Variants in TRIM51 observed in about 807,000 individuals in gnomAD.
TRIM51 encodes the protein tripartite motif-containing protein 51.
In TRIM51, 23 loss-of-function variants were observed where a neutral mutation model predicts 32.7. The observed-to-expected ratio is 0.70, with a 90% CI of 0.51 to 1.00. TRIM51 has a LOEUF of 1.00. Ranked by LOEUF, TRIM51 falls within the 50% of genes least tolerant of loss-of-function variation. The probability of loss-of-function intolerance (pLI) is 0.00; values close to 1 mark genes in which losing one functional copy is unlikely to be tolerated. For synonymous variants in TRIM51, 177 were observed against 181.9 expected, an observed-to-expected ratio of 0.97 and a Z score of 0.22; for missense variants, 592 against 539.2, an observed-to-expected ratio of 1.10 and a Z score of -0.97.
chr11:55,889,034 T>C (rs1854614279), intron 5 of TRIM51, 33 bp downstream of exon 5: 1 of 1,592,808 alleles, frequency 6.3e-7, no homozygotes, highest in Non-Finnish European at 8.6e-7. Flanking sequence ...GCAGATGCTT[T>C]CAGTTTCCAC....
rs746276563 is a variant in TRIM51, at chr11:55,891,131, A to G, written c.860-2A>G. ...TATATTTTTTAAAAATTATTTTTGC[A>G]GTTGATTTTACTCTGCAGCCTGAAA... On this transcript the variant is annotated splice_acceptor_variant, in intron 6 of 6. Transcript: ENST00000449290. LOFTEE classifies it high-confidence loss of function. 5 of 1,588,726 alleles carry G rather than the reference A, an allele frequency of 3.1e-6. No individual in the cohort carries two copies. In the South Asian group the frequency reaches 4.5e-5, roughly 14 times the overall value.
intron 1 of TRIM51, among the ~76,000 whole-genome samples, chr11:55,885,152 A>C (rs1041477184): frequency 6.6e-6 from 1 of 152,144 alleles, no homozygotes; most frequent in Admixed American, 6.5e-5. Context: ...TCATGTCGAC[A>C]TCCAGGGAGT....
rs188316529 is a variant in TRIM51 at position 55,890,042 on chromosome 11, G to A, written c.859+3G>A. The A allele has an allele frequency of 3.2e-4, 515 of 1,607,244 alleles. 8 individuals carry two copies. The East Asian group carries it at 0.011, about 35-fold the overall frequency. ...GGACAGCCTCAGTGGATTCAGAGGT[G>A]AGTGTCAGCCCATTGGCAGAATTCC... On this transcript the variant is annotated splice_donor_region_variant and intron_variant, in intron 6 of 6. Transcript: ENST00000449290.
At chr11:55,889,433 A>G (rs1213647614) in intron 5 of TRIM51, among the ~76,000 whole-genome samples, 1 of 152,158 alleles carries the variant, frequency 6.6e-6, no homozygotes, top group Non-Finnish European at 1.5e-5. Flanking sequence ...TCTAGTTTAT[A>G]TTTAAATATA....
At position 55,885,656 on chromosome 11, in the gene TRIM51, T is replaced by A. The variant is rs1269432337; in HGVS notation, c.228T>A (p.Ile76=). ...TTTGTTTGAAGAACATGGCTTTCAT[T>A]GCCAGAAAAGCCAGCCTCCGGCAAT... ...TDICLKNMAF[I]ARKASLRQFL... is the part of the protein sequence containing the mutation. Residue 76 remains isoleucine (I), a synonymous_variant, in exon 2 of 7, where the codon ATT becomes ATA. Transcript: ENST00000449290. The A allele has an allele frequency of 1.2e-6, 2 of 1,610,788 alleles. No individual in the cohort carries two copies. The highest frequency in any genetic ancestry group is 8.5e-7 in the Non-Finnish European group (1 of 1,179,214).
At chr11:55,883,563 T>A (rs1854537260) in intron 1 of TRIM51, among the ~76,000 whole-genome samples, 179 bp downstream of exon 1, 2 of 152,176 alleles carry the variant, frequency 1.3e-5, no homozygotes, top group African/African-American at 4.8e-5. Context: ...TTTTGTGTGT[T>A]CCAAAAGTGT....
At chr11:55,884,889 A>G (rs2134532841) in intron 1 of TRIM51, among the ~76,000 whole-genome samples, 1 of 151,826 alleles carries the variant, frequency 6.6e-6, no homozygotes, top group East Asian at 1.9e-4. Context: ...GTGATCCTAG[A>G]CTGGTTTAAT....
At chr11:55,885,119 C>T (rs991598129) in intron 1 of TRIM51, among the ~76,000 whole-genome samples, 1 of 152,044 alleles carries the variant, frequency 6.6e-6, no homozygotes, top group Non-Finnish European at 1.5e-5. Context: ...CATTCTAGAC[C>T]ACTTAAGATT....
chr11:55,891,647 G>A lies in TRIM51; in HGVS notation c.*15G>A. 1 of 1,612,534 alleles carries A rather than the reference G, an allele frequency of 6.2e-7. No individual in the cohort carries two copies. The highest frequency in any genetic ancestry group is 2.2e-5 in the East Asian group (1 of 44,858). ...GTCACTTCTGACCAGAGAAAAGTCA[G>A]AAATGTGCCTGTATGCTCTGGGAAC... On this transcript the variant is annotated 3_prime_UTR_variant, in exon 7 of 7. Coordinates refer to ENST00000449290, the MANE Select transcript of TRIM51 (RefSeq NM_032681.4).
At chr11:55,885,015 T>G (rs569719263) in intron 1 of TRIM51, among the ~76,000 whole-genome samples, 1 of 151,814 alleles carries the variant, frequency 6.6e-6, no homozygotes, top group South Asian at 2.1e-4. Flanking sequence ...CCTCTGACCA[T>G]CTTCTCATGT....
rs1465882643 is a variant in TRIM51, at chr11:55,891,692, C to T, written c.*60C>T. ...GGGAACCTGTTTATCCCAGAAAGCC[C>T]TCTTTTTCGCACCTCATCAAACAGA... On this transcript the variant is annotated 3_prime_UTR_variant, in exon 7 of 7. Coordinates refer to ENST00000449290, the MANE Select transcript of TRIM51 (RefSeq NM_032681.4). 68 of 1,580,836 alleles carry T rather than the reference C, an allele frequency of 4.3e-5. No individual in the cohort carries two copies. The Middle Eastern group carries it at 5.9e-4, about 14-fold the overall frequency.
At chr11:55,885,137 G>A (rs553001471) in intron 1 of TRIM51, among the ~76,000 whole-genome samples, 1 of 152,188 alleles carries the variant, frequency 6.6e-6, no homozygotes, top group South Asian at 2.1e-4. Flanking sequence ...ATTAAAACCC[G>A]AGTTTCATGT....
intron 5 of TRIM51, 100 bp downstream of exon 5, chr11:55,889,101 G>A (rs558412168): frequency 1.5e-5 from 16 of 1,072,082 alleles, no homozygotes; most frequent in African/African-American, 4.7e-5. Flanking sequence ...TAGTGATACT[G>A]CCTTGTGCTG....
chr11:55,885,605 G>A lies in TRIM51; in HGVS notation c.177G>A (p.Thr59=), dbSNP rs747498461. The A allele has an allele frequency of 1.7e-5, 28 of 1,611,324 alleles. No homozygotes were observed. The highest frequency in any genetic ancestry group is 1.3e-4 in the Admixed American group (8 of 59,882). Reference sequence around the variant, plus strand: ...AGTGCTCTGAATGCAAGAAGACAACGCGGCAGAGAAACCTCAACACTGACA... The same window carrying A: ...AGTGCTCTGAATGCAAGAAGACAACACGGCAGAGAAACCTCAACACTGACA... ...LAQCSECKKT[T]RQRNLNTDIC... The change falls in exon 2 of 7, where the codon ACG becomes ACA. Residue 59 remains threonine (T), a synonymous_variant. Coordinates refer to ENST00000449290, the MANE Select transcript of TRIM51 (RefSeq NM_032681.4).
chr11:55,885,597 A>G lies in TRIM51; in HGVS notation c.169A>G (p.Lys57Glu), dbSNP rs750843377. The G allele has an allele frequency of 1.2e-6, 2 of 1,611,646 alleles. No individual in the cohort carries two copies. The highest frequency in any genetic ancestry group is 8.5e-7 in the Non-Finnish European group (1 of 1,179,638). Reference sequence around the variant, plus strand: ...TCTTGCTCAGTGCTCTGAATGCAAGAAGACAACGCGGCAGAGAAACCTCAA... The same window carrying G: ...TCTTGCTCAGTGCTCTGAATGCAAGGAGACAACGCGGCAGAGAAACCTCAA... Reference protein sequence around the residue: ...AVLAQCSECKKTTRQRNLNTD... With the variant: ...AVLAQCSECKETTRQRNLNTD... Residue 57 changes from lysine (K) to glutamate (E), a missense_variant, in exon 2 of 7, where the codon AAG becomes GAG. Coordinates refer to ENST00000449290, the MANE Select transcript of TRIM51 (RefSeq NM_032681.4).
intron 4 of TRIM51, 61 bp downstream of exon 4, chr11:55,888,323 C>G (rs987691448): frequency 8.3e-6 from 10 of 1,204,730 alleles, no homozygotes; most frequent in African/African-American, 6.0e-5. Flanking sequence ...TGTTTTTCCT[C>G]TCTCCTGAAC....
rs543516449 is a variant in TRIM51, at chr11:55,889,091, T to C, written c.761+90T>C. ...ATATTGAAGGTATAATTGATTCAGA[T>C]AGTGATACTGCCTTGTGCTGGTTGT... On this transcript the variant is annotated intron_variant, in intron 5 of 6. Transcript: ENST00000449290. The C allele has an allele frequency of 2.9e-5, 33 of 1,137,276 alleles. No homozygotes were observed. The South Asian group carries it at 3.7e-4, about 13-fold the overall frequency. The allele number at this position is 1,137,276 out of a possible 1,614,324, so 70.4% of individuals were successfully genotyped here. A position where few individuals can be genotyped will look rare whatever the true frequency, so the allele number is the denominator to read the frequency against.
At position 55,888,016 on chromosome 11, in the gene TRIM51, C is replaced by T. The variant is rs771032051; in HGVS notation, c.508-16C>T. The T allele has an allele frequency of 6.6e-7, 1 of 1,503,778 alleles. No homozygotes were observed. Among genetic ancestry groups the T allele is most frequent in the Non-Finnish European group, 9.3e-7 (1 of 1,080,428 alleles). 93.2% of individuals were successfully genotyped at this position (1,503,778 alleles called of 1,614,324 possible). ...GATGGGTAAAACATTTCTATTTTGACTAATTGTCACTGCAGGATTATGTGA... is the reference window on the plus strand; with the variant it reads ...GATGGGTAAAACATTTCTATTTTGATTAATTGTCACTGCAGGATTATGTGA... On this transcript the variant is annotated splice_polypyrimidine_tract_variant and intron_variant, in intron 3 of 6. Transcript: ENST00000449290.
chr11:55,887,366 A>G (rs1001004660), intron 3 of TRIM51, among the ~76,000 whole-genome samples: 4 of 151,736 alleles, frequency 2.6e-5, no homozygotes, highest in African/African-American at 7.3e-5. Flanking sequence ...AGATACACAT[A>G]TATATTCCTC....
Sources: gnomAD v4.1 joint callset for allele counts (sites outside exome capture counted in the v4.1 genomes callset) on GRCh38, gnomAD v4.1.1 for gene constraint, MANE v1.5 for transcripts, NCBI Gene and HGNC (gene_info 2026-07-23, HGNC 2026-07-21) for gene names.